BPI: variants seen among roughly 807,000 people sequenced by gnomAD.
The protein encoded by BPI is bactericidal permeability increasing protein.
BPI carries 48 observed loss-of-function variants against 57.6 expected under a neutral mutation model. The observed-to-expected ratio is 0.83, with a 90% CI of 0.66 to 1.06. The LOEUF is 1.06. Among genes scored for constraint, BPI ranks in the 50% least tolerant of loss-of-function variants. The pLI, the probability that BPI is intolerant of heterozygous loss-of-function variation, is 0.00. For missense variants in BPI, 651 were observed against 609.7 expected, an observed-to-expected ratio of 1.07 and a Z score of -0.71; for synonymous variants, 237 against 238.2, an observed-to-expected ratio of 0.99 and a Z score of 0.05.
intron 7 of BPI, 84 bp from the exon 8 acceptor site, chr20:38,323,786 T>A: frequency 6.8e-7 from 1 of 1,468,916 alleles, no homozygotes; most frequent in Non-Finnish European, 9.3e-7. Context: ...AATTGGTGTC[T>A]TCAGTCCATT....
At chr20:38,311,463 T>C (rs2076621541) in intron 4 of BPI, among the ~76,000 whole-genome samples, 1 of 152,144 alleles carries the variant, frequency 6.6e-6, no homozygotes, top group Non-Finnish European at 1.5e-5. Flanking sequence ...CTTGGTGAAA[T>C]GACATTTGAA....
At chr20:38,324,644 C>T (rs1371553417) in intron 8 of BPI, 130 bp from the exon 9 acceptor site, 2 of 744,968 alleles carry the variant, frequency 2.7e-6, no homozygotes, top group Non-Finnish European at 4.7e-6. Context: ...TGGGTCAGTG[C>T]TCTGTTGTCA....
At position 38,331,080 on chromosome 20, in the gene BPI, G is replaced by T; in HGVS notation, c.1262G>T (p.Gly421Val). 1 of 1,614,032 alleles carries T rather than the reference G, an allele frequency of 6.2e-7. No individual in the cohort carries two copies. The highest frequency in any genetic ancestry group is 8.5e-7 in the Non-Finnish European group (1 of 1,179,980). ...CTGGAACTGAAGCACTCAAATATTG[G>T]CCCCTTCCCGGTGAGTCTGAGGCCC... ...LLLELKHSNI[G>V]PFPVELLQDI... is the part of the protein sequence containing the mutation. The change falls in exon 12 of 15, where the codon GGC (glycine) becomes GTC (valine). Residue 421 changes from glycine (G) to valine (V), a missense_variant. Transcript: ENST00000642449.
Position 38,326,348 on chromosome 20 carries a change from C to T in BPI, c.1077C>T (p.Gly359=). The change falls in exon 10 of 15, where the codon GGC becomes GGT. Residue 359 remains glycine (G), a synonymous_variant. Coordinates refer to ENST00000642449, the MANE Select transcript of BPI (RefSeq NM_001725.3). ...CACACCTGTCTGTGCAGCCCACCGG[C>T]CTTACCTTCTACCCTGCCGTGGATG... is the stretch of plus-strand genomic sequence containing the variant. ...TPPHLSVQPT[G]LTFYPAVDVQ... is the part of the protein sequence containing the mutation. The T allele has an allele frequency of 2.5e-6, 4 of 1,614,156 alleles. No homozygotes were observed. The highest frequency in any genetic ancestry group is 3.4e-6 in the Non-Finnish European group (4 of 1,180,012).
chr20:38,323,945 G>A lies in BPI; in HGVS notation c.832G>A (p.Asp278Asn). ...AGTGATGGAGTTTCCCGCTGCCCAT[G>A]ACCGCATGGTATACCTGGGCCTCTC... The part of the protein sequence containing the change: ...PPVMEFPAAH[D>N]RMVYLGLSDY... The change falls in exon 8 of 15, where the codon GAC becomes AAC. Residue 278 changes from aspartate (D) to asparagine (N), a missense_variant. Transcript: ENST00000642449. The A allele has an allele frequency of 9.9e-6, 16 of 1,614,166 alleles. No homozygotes were observed. The highest frequency in any genetic ancestry group is 1.4e-5 in the Non-Finnish European group (16 of 1,180,020).
rs1395663214 is a variant in BPI, at chr20:38,327,569, T to TG, written c.1162-16dup. The TG allele has an allele frequency of 6.2e-7, 1 of 1,612,294 alleles. No homozygotes were observed. Among genetic ancestry groups the TG allele is most frequent in the East Asian group, 2.2e-5 (1 of 44,818 alleles). Reference sequence around the variant, plus strand: ...GTGCCTGGGTCAGGGCACTTCACCCTGGGTTGTTGTTTTGGCAGCACACAA... The same window carrying TG: ...GTGCCTGGGTCAGGGCACTTCACCCTGGGGTTGTTGTTTTGGCAGCACACAA... On this transcript the variant is annotated intron_variant, in intron 10 of 14. Coordinates refer to ENST00000642449, the MANE Select transcript of BPI (RefSeq NM_001725.3).
chr20:38,325,506 T>G (rs1310474691), intron 9 of BPI, among the ~76,000 whole-genome samples: 1 of 152,266 alleles, frequency 6.6e-6, no homozygotes. Flanking sequence ...GGGAGAGAGC[T>G]CTCTGGTGTC....
At chr20:38,326,121 G>A (rs904711744) in intron 9 of BPI, 144 bp from the exon 10 acceptor site, 1 of 877,750 alleles carries the variant, frequency 1.1e-6, no homozygotes, top group African/African-American at 1.7e-5. Context: ...GGTGCCAGCT[G>A]GCAGACTGTG....
intron 7 of BPI, chr20:38,321,508 C>T (rs2076685548): frequency 6.6e-6 from 1 of 152,130 alleles, no homozygotes; most frequent in Non-Finnish European, 1.5e-5. Context: ...ATGTGGATCT[C>T]CACTCAGCTG....
intron 4 of BPI, among the ~76,000 whole-genome samples, chr20:38,310,981 C>A (rs546478230): frequency 6.6e-6 from 1 of 152,218 alleles, no homozygotes; most frequent in Non-Finnish European, 1.5e-5. Flanking sequence ...TCAACAAATA[C>A]CTAGTGAGAA....
chr20:38,324,741 C>A, intron 8 of BPI, 33 bp from the exon 9 acceptor site: 1 of 1,571,552 alleles, frequency 6.4e-7, no homozygotes, highest in Non-Finnish European at 8.8e-7. Context: ...GTAACAGCAT[C>A]CTCCGAGATC....
At chr20:38,304,896 C>A (rs1308122849) in intron 1 of BPI, among the ~76,000 whole-genome samples, 5 of 152,232 alleles carry the variant, frequency 3.3e-5, no homozygotes, top group African/African-American at 9.6e-5. Flanking sequence ...CTGTGCCAGG[C>A]ATTGAGCTAG....
chr20:38,332,414 T>G (rs1344100704), intron 12 of BPI, among the ~76,000 whole-genome samples: 1 of 152,096 alleles, frequency 6.6e-6, no homozygotes, highest in African/African-American at 2.4e-5. Context: ...GAGATATATT[T>G]TGGAAGTAGA....
intron 7 of BPI, among the ~76,000 whole-genome samples, chr20:38,322,744 G>A (rs989267389): frequency 1.3e-5 from 2 of 152,152 alleles, no homozygotes; most frequent in African/African-American, 4.8e-5. Context: ...CGGTCACTGG[G>A]ATTACAGGCT....
chr20:38,324,039 A>G lies in BPI; in HGVS notation c.926A>G (p.Asp309Gly). ...GGGGTCTTGAAGATGACCCTTAGAGATGACATGGTAAGGCCGGGCTCTGGG... is the reference window on the plus strand; with the variant it reads ...GGGGTCTTGAAGATGACCCTTAGAGGTGACATGGTAAGGCCGGGCTCTGGG... ...EAGVLKMTLR[D>G]DMIPKESKFR... Residue 309 changes from aspartate (D) to glycine (G), a missense_variant, in exon 8 of 15, where the codon GAT becomes GGT. Asp to Gly is a moderately conservative substitution (Grantham distance 94). Transcript: ENST00000642449. 2 of 1,613,748 alleles carry G rather than the reference A, an allele frequency of 1.2e-6. No individual in the cohort carries two copies. Among genetic ancestry groups the G allele is most frequent in the Non-Finnish European group, 1.7e-6 (2 of 1,179,988 alleles).
chr20:38,335,821 CAAAG>C (rs1289694714), intron 14 of BPI, 147 bp downstream of exon 14: 2 of 741,110 alleles, frequency 2.7e-6, no homozygotes, highest in Non-Finnish European at 4.4e-6. Context: ...TGTTAAAAAA[CAAAG>C]AAAGACCAAG....
intron 7 of BPI, 31 bp downstream of exon 7, chr20:38,320,305 C>A: frequency 6.3e-7 from 1 of 1,596,508 alleles, no homozygotes; most frequent in South Asian, 1.1e-5. Flanking sequence ...CATACACCCT[C>A]ACACCTCTGT....
At chr20:38,336,543 T>C (rs1210765988) in intron 14 of BPI, among the ~76,000 whole-genome samples, 1 of 152,074 alleles carries the variant, frequency 6.6e-6, no homozygotes. Context: ...GCTTTCCTGA[T>C]AACTTGTGGC....
At chr20:38,310,709 T>C (rs1004987298) in intron 4 of BPI, 57 bp downstream of exon 4, 1 of 1,576,874 alleles carries the variant, frequency 6.3e-7, no homozygotes, top group Non-Finnish European at 8.7e-7. Flanking sequence ...ACTCTCCCAA[T>C]CATCCCTGTA....
Sources: gnomAD v4.1 joint callset for allele counts (sites outside exome capture counted in the v4.1 genomes callset) on GRCh38, gnomAD v4.1.1 for gene constraint, MANE v1.5 for transcripts, NCBI Gene and HGNC (gene_info 2026-07-23, HGNC 2026-07-21) for gene names.